The following PSMD14 variants were observed in gnomAD, a reference collection of about 807,000 sequenced individuals.
PSMD14 encodes ubiquitin C-terminal hydrolase PSMD14.
In PSMD14, 7 loss-of-function variants were observed where a neutral mutation model predicts 41.2. That is an observed-to-expected ratio of 0.17 (90% CI 0.10 to 0.32). The LOEUF (loss-of-function observed/expected upper bound fraction) is 0.32. PSMD14 is among the 10% of genes least tolerant of loss of function. The probability of loss-of-function intolerance (pLI) is 1.00; values close to 1 mark genes in which losing one functional copy is unlikely to be tolerated. For synonymous variants in PSMD14, 114 were observed against 122.3 expected (o/e 0.93, Z 0.45); for missense variants, 139 against 375.6 (o/e 0.37, Z 5.21).
At position 161,357,205 on chromosome 2, in the gene PSMD14, A is replaced by G. The variant is rs187587863; in HGVS notation, c.49-10273A>G. Among the ~76,000 whole-genome samples the G allele has an allele frequency of 6.6e-5, 10 of 151,718 alleles. No individual in the cohort carries two copies. The East Asian group carries it at 1.7e-3, about 26-fold the overall frequency. ...ACCTCATGCCTCAGTTAATTTAACC[A>G]CATTTAAAATTTGTAAACCTGGATG... On this transcript the variant is annotated intron_variant, in intron 3 of 11. Transcript: ENST00000409682.
intron 3 of PSMD14, among the ~76,000 whole-genome samples, chr2:161,365,772 C>T (rs189692185): frequency 1.1e-4 from 16 of 152,068 alleles, no homozygotes; most frequent in South Asian, 4.2e-4. Flanking sequence ...TATCCATCAC[C>T]TCAATATTTA....
chr2:161,313,124 C>T (rs948225008), intron 1 of PSMD14, among the ~76,000 whole-genome samples: 1 of 152,050 alleles, frequency 6.6e-6, no homozygotes, highest in Non-Finnish European at 1.5e-5. Flanking sequence ...AGGTAATTTA[C>T]TCAAGGACAG....
intron 8 of PSMD14, among the ~76,000 whole-genome samples, chr2:161,388,504 T>A: frequency 6.6e-6 from 1 of 152,056 alleles, no homozygotes; most frequent in East Asian, 1.9e-4. Context: ...AAATTTAAAG[T>A]ACAAAGTCAT....
intron 3 of PSMD14, among the ~76,000 whole-genome samples, chr2:161,325,473 C>G (rs1352771569): frequency 6.6e-6 from 1 of 151,882 alleles, no homozygotes; most frequent in Admixed American, 6.6e-5. Flanking sequence ...AGGTTTTGGT[C>G]TAATGTTTGG....
At chr2:161,310,031 C>T (rs1325335639) in intron 1 of PSMD14, among the ~76,000 whole-genome samples, 1 of 151,996 alleles carries the variant, frequency 6.6e-6, no homozygotes, top group African/African-American at 2.4e-5. Flanking sequence ...CATGGTGGCA[C>T]GTGCCTGTAT....
intron 1 of PSMD14, among the ~76,000 whole-genome samples, chr2:161,312,946 C>T (rs1444824841): frequency 1.3e-5 from 2 of 152,190 alleles, no homozygotes; most frequent in African/African-American, 2.4e-5. Context: ...GTGTTGGTAG[C>T]CATGCTCAGG....
intron 10 of PSMD14, among the ~76,000 whole-genome samples, chr2:161,403,085 G>A (rs749934160): frequency 1.1e-4 from 16 of 152,136 alleles, no homozygotes; most frequent in South Asian, 2.1e-4. Context: ...AACAAAAAGC[G>A]TGTATATGAA....
intron 3 of PSMD14, chr2:161,341,052 G>T: frequency 6.3e-7 from 1 of 1,587,024 alleles, no homozygotes; most frequent in South Asian, 1.1e-5. Flanking sequence ...TGGCCCTTCG[G>T]GCTCCCCCGG....
At chr2:161,384,152 A>C (rs1322767680) in intron 7 of PSMD14, 1 of 151,718 alleles carries the variant, frequency 6.6e-6, no homozygotes, top group Non-Finnish European at 1.5e-5. Flanking sequence ...AGAGGAATGA[A>C]TCTTTGGGAA....
At chr2:161,406,773 C>A (rs1683953175) in intron 10 of PSMD14, among the ~76,000 whole-genome samples, 1 of 152,078 alleles carries the variant, frequency 6.6e-6, no homozygotes, top group African/African-American at 2.4e-5. Context: ...ATCTGTACTT[C>A]TCAAAGAGTT....
chr2:161,350,529 A>G (rs1221891774), intron 3 of PSMD14, among the ~76,000 whole-genome samples: 1 of 152,232 alleles, frequency 6.6e-6, no homozygotes, highest in Non-Finnish European at 1.5e-5. Context: ...CTAACCAGCC[A>G]TTTGCAGACA....
chr2:161,344,040 A>G (rs1297288702), intron 3 of PSMD14, among the ~76,000 whole-genome samples: 1 of 149,634 alleles, frequency 6.7e-6, no homozygotes, highest in Non-Finnish European at 1.5e-5. Flanking sequence ...TAATCTAGAG[A>G]TTATTTAAAG....
At chr2:161,401,291 A>G (rs1193533396) in intron 10 of PSMD14, among the ~76,000 whole-genome samples, 1 of 152,266 alleles carries the variant, frequency 6.6e-6, no homozygotes, top group Non-Finnish European at 1.5e-5. Flanking sequence ...CTTTCAGTCA[A>G]CAGTAGGCTA....
At chr2:161,406,588 T>TACA (rs1018865011) in intron 10 of PSMD14, among the ~76,000 whole-genome samples, 1 of 152,170 alleles carries the variant, frequency 6.6e-6, no homozygotes, top group African/African-American at 2.4e-5. Flanking sequence ...GTAGATGAGA[T>TACA]ACAGGTAACT....
At chr2:161,337,650 T>G (rs1682887891) in intron 3 of PSMD14, among the ~76,000 whole-genome samples, 1 of 152,224 alleles carries the variant, frequency 6.6e-6, no homozygotes, top group Non-Finnish European at 1.5e-5. Flanking sequence ...AAATGATTGT[T>G]CTTAGTTTAT....
At chr2:161,318,681 A>G (rs1290198624) in intron 2 of PSMD14, 141 bp from the exon 3 acceptor site, 3 of 658,310 alleles carry the variant, frequency 4.6e-6, no homozygotes, top group African/African-American at 3.7e-5. Context: ...TGTGGTGTTA[A>G]TTAACAGGAA....
At chr2:161,310,903 A>T (rs548999595) in intron 1 of PSMD14, among the ~76,000 whole-genome samples, 1 of 152,318 alleles carries the variant, frequency 6.6e-6, no homozygotes, top group African/African-American at 2.4e-5. Flanking sequence ...GCCCCGATAG[A>T]TTATAAATTC....
At chr2:161,371,967 C>CTTTTTTTTTTTTTTTTTTTTTTTT (rs529718395) in intron 7 of PSMD14, among the ~76,000 whole-genome samples, 1 of 145,334 alleles carries the variant, frequency 6.9e-6, no homozygotes. Context: ...TTCATTCTTT[C>CTTTTTTTTTTTTTTTTTTTTTTTT]TTTTTTTTTT....
intron 1 of PSMD14, among the ~76,000 whole-genome samples, chr2:161,310,918 A>G (rs148006236): frequency 2.1e-4 from 32 of 152,342 alleles, no homozygotes; most frequent in African/African-American, 7.5e-4. Flanking sequence ...AAATTCTCTC[A>G]GTGCATGCCA....
Sources: gnomAD v4.1 joint callset for allele counts (sites outside exome capture counted in the v4.1 genomes callset) on GRCh38, gnomAD v4.1.1 for gene constraint, MANE v1.5 for transcripts, NCBI Gene and HGNC (gene_info 2026-07-23, HGNC 2026-07-21) for gene names.